The following CECR2 variants were observed in gnomAD, a reference collection of about 807,000 sequenced individuals.
CECR2 encodes chromatin remodeling regulator CECR2.
In CECR2, 30 loss-of-function variants were observed where a neutral mutation model predicts 154.5. The observed-to-expected ratio is 0.19, with a 90% CI of 0.15 to 0.26. CECR2 has a LOEUF of 0.26. Among genes scored for constraint, CECR2 ranks in the 10% least tolerant of loss-of-function variants. The pLI is 1.00. For synonymous variants in CECR2, 725 were observed against 683.7 expected (o/e 1.06, Z -0.94); for missense variants, 1,743 against 1,829.3 (o/e 0.95, Z 0.86).
rs1555906755 is a variant in CECR2, at chr22:17,419,525, A to AGAG, written c.126+49618_126+49619insGGA. 528 of 185,010 alleles carry AGAG rather than the reference A, an allele frequency of 2.9e-3. 3 individuals carry two copies. Among genetic ancestry groups the AGAG allele is most frequent in the African/African-American group, 0.024 (504 of 20,630 alleles). The allele number at this position is 185,010 out of a possible 1,614,324, so 11.5% of individuals were successfully genotyped here. On this transcript the variant is annotated intron_variant, in intron 1 of 18. Transcript: ENST00000262608. ...AGGAAGAGGAGGAAGAAGAAGAAGA[A>AGAG]GAAGAGGAAGAGGAAGAGGAAGAGG...
At chr22:17,512,466 G>C (rs948177781) in intron 8 of CECR2, among the ~76,000 whole-genome samples, 2 of 151,956 alleles carry the variant, frequency 1.3e-5, no homozygotes, top group African/African-American at 4.8e-5. Flanking sequence ...ACTTTAAGAG[G>C]CCAAGGCAGG....
chr22:17,446,756 A>T (rs1003206483), intron 1 of CECR2, among the ~76,000 whole-genome samples: 3 of 151,936 alleles, frequency 2.0e-5, no homozygotes, highest in African/African-American at 7.3e-5. Flanking sequence ...GACACAAAAG[A>T]GTGAGCAGCA....
At chr22:17,419,504 A>AGAG in intron 1 of CECR2, 1 of 162,576 alleles carries the variant, frequency 6.2e-6, no homozygotes, top group East Asian at 1.7e-4. Flanking sequence ...AGGAAGAGGA[A>AGAG]GAGGAGGAAG....
At chr22:17,517,572 C>G (rs936838389) in intron 8 of CECR2, among the ~76,000 whole-genome samples, 2 of 152,244 alleles carry the variant, frequency 1.3e-5, no homozygotes, top group Non-Finnish European at 2.9e-5. Context: ...TAGACCAACA[C>G]TGCTCTACAA....
intron 7 of CECR2, among the ~76,000 whole-genome samples, chr22:17,505,405 G>T (rs1376667501): frequency 2.0e-5 from 3 of 151,774 alleles, no homozygotes; most frequent in Non-Finnish European, 4.4e-5. Flanking sequence ...CCCTTTGCCT[G>T]GCTCTACCTG....
chr22:17,437,178 G>T (rs1217752853), intron 1 of CECR2, among the ~76,000 whole-genome samples: 2 of 152,072 alleles, frequency 1.3e-5, no homozygotes, highest in Admixed American at 6.5e-5. Context: ...CCCTGTCTGC[G>T]GTTCTGCCTT....
At chr22:17,392,260 CA>C (rs928529091) in intron 1 of CECR2, among the ~76,000 whole-genome samples, 6 of 151,900 alleles carry the variant, frequency 3.9e-5, no homozygotes, top group South Asian at 2.1e-4. Flanking sequence ...GTCTCAACAA[CA>C]AAAAAAATTT....
chr22:17,445,916 T>C (rs185843756), intron 1 of CECR2, among the ~76,000 whole-genome samples: 1 of 152,272 alleles, frequency 6.6e-6, no homozygotes, highest in East Asian at 1.9e-4. Flanking sequence ...GATTACACAA[T>C]GTAAATGCTA....
chr22:17,388,978 A>G (rs1351788870), intron 1 of CECR2, among the ~76,000 whole-genome samples: 1 of 151,998 alleles, frequency 6.6e-6, no homozygotes, highest in Non-Finnish European at 1.5e-5. Flanking sequence ...ATGCCCGGAT[A>G]ACTTTTGTAT....
At chr22:17,370,384 G>GGCTA in intron 1 of CECR2, among the ~76,000 whole-genome samples, 1 of 151,236 alleles carries the variant, frequency 6.6e-6, no homozygotes, top group East Asian at 2.0e-4. Flanking sequence ...CGGCGGGGAG[G>GGCTA]GCTAGCCCCG....
intron 1 of CECR2, among the ~76,000 whole-genome samples, chr22:17,361,927 T>C (rs941450859): frequency 6.6e-6 from 1 of 152,002 alleles, no homozygotes; most frequent in African/African-American, 2.4e-5. Flanking sequence ...GTGGAAGAGC[T>C]GTGATTTAGT....
chr22:17,360,984 G>A (rs1484532571), intron 1 of CECR2, among the ~76,000 whole-genome samples: 3 of 151,958 alleles, frequency 2.0e-5, no homozygotes, highest in Non-Finnish European at 4.4e-5. Context: ...GCAACATGGT[G>A]AAACCCCATC....
chr22:17,402,754 CTTTTTTTTTTTTTTT>C (rs386394918), intron 1 of CECR2, among the ~76,000 whole-genome samples: 2 of 123,104 alleles, frequency 1.6e-5, no homozygotes, highest in South Asian at 5.0e-4. Flanking sequence ...TTCTTTTCTT[CTTTTTTTTTTTTTTT>C]TTTTGGAGAC....
At chr22:17,474,156 TCTG>T (rs2146781725) in intron 1 of CECR2, among the ~76,000 whole-genome samples, 1 of 152,284 alleles carries the variant, frequency 6.6e-6, no homozygotes, top group South Asian at 2.1e-4. Flanking sequence ...CATTTTAAGT[TCTG>T]CTGAGCTCCA....
chr22:17,540,356 C>G, intron 13 of CECR2, 56 bp from the exon 14 acceptor site: 1 of 1,405,520 alleles, frequency 7.1e-7, no homozygotes, highest in Middle Eastern at 1.9e-4. Context: ...ACTATAGTTT[C>G]TATAAACAAT....
chr22:17,539,734 A>G (rs1601537628), intron 13 of CECR2, among the ~76,000 whole-genome samples: 1 of 152,202 alleles, frequency 6.6e-6, no homozygotes, highest in Non-Finnish European at 1.5e-5. Flanking sequence ...TTATGCATTA[A>G]CTAAAAATGC....
At chr22:17,507,305 CA>C (rs1262419645) in intron 7 of CECR2, among the ~76,000 whole-genome samples, 20 of 152,212 alleles carry the variant, frequency 1.3e-4, no homozygotes, top group African/African-American at 4.8e-4. Context: ...ACCTCCGTTT[CA>C]CCATCGGTGT....
intron 1 of CECR2, among the ~76,000 whole-genome samples, chr22:17,363,412 C>G (rs866658411): frequency 6.6e-6 from 1 of 152,036 alleles, no homozygotes; most frequent in African/African-American, 2.4e-5. Flanking sequence ...TTCACCATAT[C>G]GAGACCAGGC....
Position 17,548,353 on chromosome 22 carries a change from G to A in CECR2, c.3066G>A (p.Lys1022=), listed in dbSNP as rs376257148. 29 of 1,612,568 alleles carry A rather than the reference G, an allele frequency of 1.8e-5. No individual in the cohort carries two copies. The Admixed American group carries it at 2.7e-4, about 15-fold the overall frequency. The change falls in exon 17 of 19, where the codon AAG becomes AAA. Residue 1022 remains lysine, a synonymous_variant. Coordinates refer to ENST00000262608, the MANE Select transcript of CECR2 (RefSeq NM_001290047.2). ...ACAACTGTAAAGCAATGAAGGGCAA[G>A]AATCCCTGGCCCTCGGATAGCAGCT... The part of the protein sequence containing the change: ...SADNCKAMKG[K]NPWPSDSSYP...
Sources: gnomAD v4.1 joint callset for allele counts (sites outside exome capture counted in the v4.1 genomes callset) on GRCh38, gnomAD v4.1.1 for gene constraint, MANE v1.5 for transcripts, NCBI Gene and HGNC (gene_info 2026-07-23, HGNC 2026-07-21) for gene names.